ZNF729: variants seen among roughly 807,000 people sequenced by gnomAD.
ZNF729 encodes the protein zinc finger protein 729.
ZNF729 carries 15 observed loss-of-function variants against 12.2 expected under a neutral mutation model. That is an observed-to-expected ratio of 1.23 (90% confidence interval 0.82 to 1.89). The LOEUF (loss-of-function observed/expected upper bound fraction) is 1.89. ZNF729 is among the 40% of genes most tolerant of loss of function. The probability of loss-of-function intolerance (pLI) is 0.00; values close to 1 mark genes in which losing one functional copy is unlikely to be tolerated. For synonymous variants in ZNF729, 492 were observed against 476.3 expected (o/e 1.03, Z -0.43); for missense variants, 1,540 against 1,456.7 (o/e 1.06, Z -0.93).
Position 22,315,176 on chromosome 19 carries a change from C to G in ZNF729, c.1759C>G (p.Leu587Val), listed in dbSNP as rs749035392. 22 of 1,611,438 alleles carry G rather than the reference C, an allele frequency of 1.4e-5. No homozygotes were observed. The East Asian group carries it at 2.0e-4, about 15-fold the overall frequency. Residue 587 changes from leucine to valine, a missense_variant, in exon 4 of 4, where the codon CTC (leucine) becomes GTC (valine). Coordinates refer to ENST00000601693, the MANE Select transcript of ZNF729 (RefSeq NM_001242680.2). ...CGKAFKHFSA[L>V]RKHKVIHTRE... ...CAAAGCTTTTAAGCATTTCTCAGCCCTCAGAAAACATAAGGTAATTCATAC... is the reference window on the plus strand; with the variant it reads ...CAAAGCTTTTAAGCATTTCTCAGCCGTCAGAAAACATAAGGTAATTCATAC...
chr19:22,286,626 C>A, intron 1 of ZNF729, 71 bp downstream of exon 1: 1 of 1,592,364 alleles, frequency 6.3e-7, no homozygotes, highest in Non-Finnish European at 8.6e-7. Context: ...GTGGCTGTGG[C>A]GGGACTCCGG....
At chr19:22,304,312 T>C (rs1968352721) in intron 2 of ZNF729, among the ~76,000 whole-genome samples, 1 of 152,198 alleles carries the variant, frequency 6.6e-6, no homozygotes, top group African/African-American at 2.4e-5. Context: ...GTGCTGGGAT[T>C]ACAGGCGTGA....
chr19:22,292,533 G>C (rs1397113092), intron 1 of ZNF729, among the ~76,000 whole-genome samples: 3 of 151,684 alleles, frequency 2.0e-5, no homozygotes, highest in African/African-American at 4.9e-5. Flanking sequence ...CAACCTCCTG[G>C]GCTCAAGCAA....
chr19:22,316,355 A>G lies in ZNF729; in HGVS notation c.2938A>G (p.Thr980Ala). ...GKAFKQSSHLTRHKAIHTGEK... is the reference protein window; with the variant it reads ...GKAFKQSSHLARHKAIHTGEK... ...AGCTTTTAAGCAATCCTCACATCTT[A>G]CTAGACATAAAGCAATTCATACTGG... The change falls in exon 4 of 4, where the codon ACT becomes GCT. Residue 980 changes from threonine (T) to alanine (A), a missense_variant. Thr to Ala is a moderately conservative substitution (Grantham distance 58). Transcript: ENST00000601693. The G allele has an allele frequency of 1.9e-6, 3 of 1,613,756 alleles. No individual in the cohort carries two copies. Among genetic ancestry groups the G allele is most frequent in the Non-Finnish European group, 2.5e-6 (3 of 1,179,762 alleles).
chr19:22,286,637 C>T (rs1968081838), intron 1 of ZNF729, 82 bp downstream of exon 1: 11 of 1,554,496 alleles, frequency 7.1e-6, no homozygotes, highest in Non-Finnish European at 8.9e-6. Context: ...GGGACTCCGG[C>T]CTCCCCGCAG....
chr19:22,304,071 T>C (rs1309066294), intron 2 of ZNF729, among the ~76,000 whole-genome samples, 187 bp downstream of exon 2: 1 of 141,354 alleles, frequency 7.1e-6, no homozygotes, highest in Admixed American at 7.5e-5. Flanking sequence ...GGAGTTTCAC[T>C]CTTGTTGCCT....
At chr19:22,308,440 C>T (rs1968411349) in intron 3 of ZNF729, among the ~76,000 whole-genome samples, 1 of 152,138 alleles carries the variant, frequency 6.6e-6, no homozygotes, top group African/African-American at 2.4e-5. Flanking sequence ...CTTTAGGAAT[C>T]TCCACACTGT....
intron 1 of ZNF729, among the ~76,000 whole-genome samples, chr19:22,294,241 C>G (rs1258634851): frequency 6.6e-6 from 1 of 152,128 alleles, no homozygotes; most frequent in African/African-American, 2.4e-5. Flanking sequence ...TCCCACATTC[C>G]TCTTGTTAGT....
rs766929482 is a variant in ZNF729 at position 22,314,372 on chromosome 19, C to T, written c.955C>T (p.Pro319Ser). 1.3e-6 allele frequency: 2 copies of T among 1,593,454 alleles called. No homozygotes were observed. The highest frequency in any genetic ancestry group is 1.3e-5 in the African/African-American group (1 of 74,694). ...TAAGGTAATTCATACTGCAGAGAAA[C>T]CCTACAAATGTGAAGATTGTGGCAA... ...AHKVIHTAEK[P>S]YKCEDCGKTF... Residue 319 changes from proline (P) to serine (S), a missense_variant, in exon 4 of 4, where the codon CCC becomes TCC. Pro to Ser is a moderately conservative substitution (Grantham distance 74). Coordinates refer to ENST00000601693, the MANE Select transcript of ZNF729 (RefSeq NM_001242680.2).
chr19:22,293,900 T>G (rs1190120771), intron 1 of ZNF729, among the ~76,000 whole-genome samples: 1 of 152,194 alleles, frequency 6.6e-6, no homozygotes, highest in East Asian at 1.9e-4. Context: ...TTTGGAAATA[T>G]TTTATTTTAT....
intron 1 of ZNF729, among the ~76,000 whole-genome samples, chr19:22,287,970 TG>T (rs1226620148): frequency 6.6e-6 from 1 of 151,760 alleles, no homozygotes; most frequent in Non-Finnish European, 1.5e-5. Context: ...CTCAACCTCC[TG>T]AGTAGCTGGG....
Position 22,314,964 on chromosome 19 carries a change from A to G in ZNF729, c.1547A>G (p.Tyr516Cys), listed in dbSNP as rs1293085065. ...ATAATTCATACTGGAAAGAAACCCTACAAATGTGAAGAATGTGGGAAAGCT... is the reference window on the plus strand; with the variant it reads ...ATAATTCATACTGGAAAGAAACCCTGCAAATGTGAAGAATGTGGGAAAGCT... ...HKIIHTGKKPYKCEECGKAFS... is the reference protein window; with the variant it reads ...HKIIHTGKKPCKCEECGKAFS... The change falls in exon 4 of 4, where the codon TAC becomes TGC. Residue 516 changes from tyrosine to cysteine, a missense_variant. Tyr to Cys is a radical substitution (Grantham distance 194, BLOSUM62 -2). Coordinates refer to ENST00000601693, the MANE Select transcript of ZNF729 (RefSeq NM_001242680.2). 4 of 1,612,240 alleles carry G rather than the reference A, an allele frequency of 2.5e-6. No homozygotes were observed. Among genetic ancestry groups the G allele is most frequent in the South Asian group, 2.2e-5 (2 of 91,044 alleles).
chr19:22,307,206 T>A (rs1968389095), intron 3 of ZNF729, among the ~76,000 whole-genome samples: 1 of 151,958 alleles, frequency 6.6e-6, no homozygotes, highest in South Asian at 2.1e-4. Context: ...AGAGTCTCAC[T>A]ATGTTTTTGT....
chr19:22,308,504 C>G (rs896199418), intron 3 of ZNF729, among the ~76,000 whole-genome samples: 3 of 151,958 alleles, frequency 2.0e-5, no homozygotes, highest in African/African-American at 7.3e-5. Context: ...AGAAGTGTTC[C>G]CTGATCACCA....
chr19:22,293,214 C>G (rs752397109), intron 1 of ZNF729, among the ~76,000 whole-genome samples: 10 of 152,054 alleles, frequency 6.6e-5, no homozygotes, highest in African/African-American at 2.2e-4. Context: ...GAGACGAAGT[C>G]TCACTCTGTC....
intron 1 of ZNF729, among the ~76,000 whole-genome samples, chr19:22,295,392 T>TC (rs201868577): frequency 1.1e-4 from 15 of 142,538 alleles, no homozygotes; most frequent in East Asian, 4.0e-4. Flanking sequence ...TTTCTTTCTT[T>TC]TTTTTTTTTT....
At chr19:22,298,996 TTG>T (rs1968269144) in intron 1 of ZNF729, 2 of 152,182 alleles carry the variant, frequency 1.3e-5, no homozygotes, top group South Asian at 4.1e-4. Context: ...CTGGTGGAAA[TTG>T]TGAGATGTAT....
At chr19:22,287,629 ACTTAATTATT>A (rs1344759860) in intron 1 of ZNF729, among the ~76,000 whole-genome samples, 1 of 151,206 alleles carries the variant, frequency 6.6e-6, no homozygotes, top group African/African-American at 2.4e-5. Context: ...ATTGCCTGCC[ACTTAATTATT>A]CTTAATTATT....
At chr19:22,309,774 T>C (rs943805077) in intron 3 of ZNF729, among the ~76,000 whole-genome samples, 10 of 152,082 alleles carry the variant, frequency 6.6e-5, no homozygotes, top group African/African-American at 2.2e-4. Context: ...GGGAACTGCA[T>C]TGAGTTTGTA....
Sources: gnomAD v4.1 joint callset for allele counts (sites outside exome capture counted in the v4.1 genomes callset) on GRCh38, gnomAD v4.1.1 for gene constraint, MANE v1.5 for transcripts, NCBI Gene and HGNC (gene_info 2026-07-23, HGNC 2026-07-21) for gene names.